Variants in HS3ST4 observed in about 807,000 individuals in gnomAD.
The protein encoded by HS3ST4 is heparan sulfate-glucosamine 3-sulfotransferase 4, also known as heparan sulfate glucosamine 3-O-sulfotransferase 4.
Under a neutral mutation model 29.2 loss-of-function variants are expected in HS3ST4, and 17 were observed. That is an observed-to-expected ratio of 0.58 (90% CI 0.40 to 0.87). The LOEUF (loss-of-function observed/expected upper bound fraction) is 0.87, where lower values mean the gene tolerates loss of function less well. Among genes scored for constraint, HS3ST4 ranks in the 40% least tolerant of loss-of-function variants. The probability of loss-of-function intolerance (pLI) is 0.00; values close to 1 mark genes in which losing one functional copy is unlikely to be tolerated. For synonymous variants in HS3ST4, 314 were observed against 285.7 expected, an observed-to-expected ratio of 1.10 and a Z score of -1.00; for missense variants, 627 against 634.5, an observed-to-expected ratio of 0.99 and a Z score of 0.13.
chr16:26,114,333 T>A (rs950927471), intron 1 of HS3ST4, among the ~76,000 whole-genome samples: 1 of 152,148 alleles, frequency 6.6e-6, no homozygotes, highest in Non-Finnish European at 1.5e-5. Context: ...AATTTCAACA[T>A]GTAATTATTT....
Position 26,051,158 on chromosome 16 carries a change from C to G in HS3ST4, c.735-84454C>G, listed in dbSNP as rs945974531. Among the ~76,000 whole-genome samples, 6 of 152,240 alleles carry G rather than the reference C, an allele frequency of 3.9e-5. No homozygotes were observed. In the East Asian group the frequency reaches 1.2e-3, roughly 29 times the overall value. The stretch of plus-strand genomic sequence containing the variant: ...GGGAAAATAATTGAAAGGAAACTCT[C>G]TAAGTCAGACTTGGTTCCTCCAAAC... On this transcript the variant is annotated intron_variant, in intron 1 of 1. Coordinates refer to ENST00000331351, the MANE Select transcript of HS3ST4 (RefSeq NM_006040.3).
At chr16:26,048,898 T>A (rs1898302363) in intron 1 of HS3ST4, among the ~76,000 whole-genome samples, 1 of 152,108 alleles carries the variant, frequency 6.6e-6, no homozygotes, top group East Asian at 1.9e-4. Context: ...TTTCTTGCAG[T>A]TCTTTAAGGA....
At chr16:25,857,512 T>C (rs1012962977) in intron 1 of HS3ST4, among the ~76,000 whole-genome samples, 1 of 152,180 alleles carries the variant, frequency 6.6e-6, no homozygotes, top group Non-Finnish European at 1.5e-5. Flanking sequence ...TGGCTTATAG[T>C]TTGCTTCTGT....
intron 1 of HS3ST4, among the ~76,000 whole-genome samples, chr16:26,125,105 CT>C (rs1243113629): frequency 3.3e-5 from 5 of 152,194 alleles, no homozygotes; most frequent in African/African-American, 1.2e-4. Context: ...TGAATCTATT[CT>C]CATATTCTCT....
chr16:25,699,185 G>A (rs1596546938), intron 1 of HS3ST4, among the ~76,000 whole-genome samples: 1 of 152,160 alleles, frequency 6.6e-6, no homozygotes, highest in Non-Finnish European at 1.5e-5. Flanking sequence ...AGAAAACAAC[G>A]GACATGCCCA....
At chr16:25,734,074 G>A (rs891286047) in intron 1 of HS3ST4, among the ~76,000 whole-genome samples, 4 of 152,106 alleles carry the variant, frequency 2.6e-5, no homozygotes, top group African/African-American at 9.7e-5. Context: ...CCGAGATTGC[G>A]CCATTGCACT....
chr16:25,700,679 G>A (rs965112681), intron 1 of HS3ST4, among the ~76,000 whole-genome samples: 1 of 152,090 alleles, frequency 6.6e-6, no homozygotes, highest in Non-Finnish European at 1.5e-5. Context: ...TTGAACCACC[G>A]CCCCGTTCAA....
rs142802719 is a variant in HS3ST4, at chr16:25,986,222, T to C, written c.735-149390T>C. On this transcript the variant is annotated intron_variant, in intron 1 of 1. Transcript: ENST00000331351. ...TTATTCATTCTCTACCTTCTCCTACTAGAATGTGAGTTCCAGGAGAGTAGG... is the reference window on the plus strand; with the variant it reads ...TTATTCATTCTCTACCTTCTCCTACCAGAATGTGAGTTCCAGGAGAGTAGG... 2.4e-3 allele frequency among the ~76,000 whole-genome samples: 364 copies of C among 152,344 alleles called. 1 individual carries two copies. The highest frequency in any genetic ancestry group is 8.2e-3 in the African/African-American group (339 of 41,574).
intron 1 of HS3ST4, among the ~76,000 whole-genome samples, chr16:26,012,850 CA>C (rs1969323249): frequency 6.6e-6 from 1 of 152,206 alleles, no homozygotes; most frequent in Admixed American, 6.5e-5. Flanking sequence ...GGGGACTGAA[CA>C]ATGAGCTGGA....
chr16:25,968,022 T>A (rs1194479194), intron 1 of HS3ST4, among the ~76,000 whole-genome samples: 2 of 152,076 alleles, frequency 1.3e-5, no homozygotes, highest in Non-Finnish European at 2.9e-5. Context: ...AGGGTTGTCA[T>A]GGGGGAGAGG....
rs1056130276 is a variant in HS3ST4 at position 25,748,208 on chromosome 16, A to G, written c.734+55057A>G. 3.9e-5 allele frequency among the ~76,000 whole-genome samples: 6 copies of G among 152,200 alleles called. No individual in the cohort carries two copies. In the East Asian group the frequency reaches 7.7e-4, roughly 20 times the overall value. On this transcript the variant is annotated intron_variant, in intron 1 of 1. Coordinates refer to ENST00000331351, the MANE Select transcript of HS3ST4 (RefSeq NM_006040.3). ...TGTGCTTGGGTGGGCGTGCTCACAT[A>G]TGGCATAAGTATTTCTTTCTTAATG...
chr16:25,820,923 A>AG (rs1362227559), intron 1 of HS3ST4, among the ~76,000 whole-genome samples: 1 of 152,094 alleles, frequency 6.6e-6, no homozygotes, highest in Non-Finnish European at 1.5e-5. Flanking sequence ...CTTAGGACCA[A>AG]GTCGAATAAG....
At chr16:26,004,507 A>G (rs1444497707) in intron 1 of HS3ST4, among the ~76,000 whole-genome samples, 3 of 152,188 alleles carry the variant, frequency 2.0e-5, no homozygotes, top group African/African-American at 7.2e-5. Flanking sequence ...ATCTACGGAA[A>G]AACATAACAC....
At chr16:25,863,030 G>A (rs1401331938) in intron 1 of HS3ST4, among the ~76,000 whole-genome samples, 1 of 152,132 alleles carries the variant, frequency 6.6e-6, no homozygotes, top group Non-Finnish European at 1.5e-5. Flanking sequence ...ATGGGATTAG[G>A]CATTTCATTT....
At chr16:26,015,593 CT>C in intron 1 of HS3ST4, among the ~76,000 whole-genome samples, 1 of 152,298 alleles carries the variant, frequency 6.6e-6, no homozygotes, top group Non-Finnish European at 1.5e-5. Context: ...AGAGGTTAGA[CT>C]AACATGGGAG....
chr16:26,086,390 C>T (rs556484516), intron 1 of HS3ST4, among the ~76,000 whole-genome samples: 2 of 151,540 alleles, frequency 1.3e-5, no homozygotes, highest in East Asian at 3.9e-4. Flanking sequence ...TGCTCTGTCG[C>T]CCAGGCTGTA....
intron 1 of HS3ST4, among the ~76,000 whole-genome samples, chr16:25,859,399 A>G (rs146183695): frequency 3.0e-4 from 45 of 152,352 alleles, no homozygotes; most frequent in African/African-American, 9.6e-4. Context: ...AGGCACTGAG[A>G]GGTAAGTAAT....
intron 1 of HS3ST4, among the ~76,000 whole-genome samples, chr16:25,925,690 A>G (rs1389538361): frequency 6.6e-6 from 1 of 152,202 alleles, no homozygotes; most frequent in Non-Finnish European, 1.5e-5. Flanking sequence ...TGTGGTTTCA[A>G]ACAGTAAGCT....
At chr16:26,054,269 G>GGA (rs58364733) in intron 1 of HS3ST4, among the ~76,000 whole-genome samples, 9,036 of 133,592 alleles carry the variant, frequency 0.068, 524 homozygotes, top group East Asian at 0.23. Context: ...ACAGAGAGAG[G>GGA]GAGAGAGAGA....
Sources: gnomAD v4.1 joint callset for allele counts (sites outside exome capture counted in the v4.1 genomes callset) on GRCh38, gnomAD v4.1.1 for gene constraint, MANE v1.5 for transcripts, NCBI Gene and HGNC (gene_info 2026-07-23, HGNC 2026-07-21) for gene names.